The following ATF7IP2 variants were observed in gnomAD, a reference collection of about 807,000 sequenced individuals.
ATF7IP2 encodes activating transcription factor 7 interacting protein 2.
In ATF7IP2, 42 loss-of-function variants were observed where a neutral mutation model predicts 64.2. The observed-to-expected ratio is 0.65, with a 90% confidence interval of 0.51 to 0.85. The LOEUF (loss-of-function observed/expected upper bound fraction) is 0.85. Ranked by LOEUF, ATF7IP2 falls within the 40% of genes least tolerant of loss-of-function variation. ATF7IP2 has a pLI of 0.00. For synonymous variants in ATF7IP2, 308 were observed against 272.8 expected (o/e 1.13, Z -1.27); for missense variants, 933 against 784.2 (o/e 1.19, Z -2.27).
chr16:10,414,357 G>C (rs1267729633), intron 1 of ATF7IP2, among the ~76,000 whole-genome samples: 1 of 151,854 alleles, frequency 6.6e-6, no homozygotes, highest in Admixed American at 6.6e-5. Flanking sequence ...TGCTTGGTCA[G>C]TTTTGTTGCT....
chr16:10,426,845 GT>G (rs536906880), intron 3 of ATF7IP2, among the ~76,000 whole-genome samples: 12 of 150,700 alleles, frequency 8.0e-5, no homozygotes, highest in African/African-American at 2.7e-4. Flanking sequence ...TTGGTTTTTG[GT>G]TTTTTTTTGT....
chr16:10,436,514 T>G (rs962716675), intron 6 of ATF7IP2, among the ~76,000 whole-genome samples: 1 of 152,064 alleles, frequency 6.6e-6, no homozygotes, highest in Non-Finnish European at 1.5e-5. Flanking sequence ...AGTGAAGCAT[T>G]AGAGAAGAGA....
At chr16:10,393,483 C>G (rs1237166942) in intron 1 of ATF7IP2, among the ~76,000 whole-genome samples, 2 of 152,040 alleles carry the variant, frequency 1.3e-5, no homozygotes, top group Admixed American at 1.3e-4. Context: ...GTTTATGATG[C>G]TACAGAAAGT....
chr16:10,471,874 T>G, intron 9 of ATF7IP2: 1 of 304,536 alleles, frequency 3.3e-6, no homozygotes, highest in Non-Finnish European at 6.1e-6. Flanking sequence ...GAAAGACCCA[T>G]AAAATGTAGT....
chr16:10,411,513 G>C (rs1029234178), intron 1 of ATF7IP2, among the ~76,000 whole-genome samples: 2 of 151,964 alleles, frequency 1.3e-5, no homozygotes, highest in Non-Finnish European at 2.9e-5. Context: ...TGGGATTACA[G>C]GCGTGTGCCA....
chr16:10,467,369 G>C (rs1338979691), intron 9 of ATF7IP2, among the ~76,000 whole-genome samples: 1 of 152,134 alleles, frequency 6.6e-6, no homozygotes, highest in South Asian at 2.1e-4. Flanking sequence ...GAAAAATTAA[G>C]TGAAGGATTT....
At chr16:10,465,669 G>A (rs1300418421) in intron 9 of ATF7IP2, among the ~76,000 whole-genome samples, 1 of 149,078 alleles carries the variant, frequency 6.7e-6, no homozygotes, top group Non-Finnish European at 1.5e-5. Flanking sequence ...AACCTGGGAG[G>A]TGGAGGTTGG....
chr16:10,470,727 A>C (rs2049763779), intron 9 of ATF7IP2, among the ~76,000 whole-genome samples: 1 of 151,982 alleles, frequency 6.6e-6, no homozygotes. Flanking sequence ...AGGCTTCAGC[A>C]AGATACATTT....
chr16:10,444,347 C>T (rs1034371046), intron 8 of ATF7IP2, among the ~76,000 whole-genome samples: 2 of 152,042 alleles, frequency 1.3e-5, no homozygotes, highest in African/African-American at 2.4e-5. Context: ...CCTTTCTTAA[C>T]GGTCCAGACT....
chr16:10,404,217 C>G (rs980030666), intron 1 of ATF7IP2, among the ~76,000 whole-genome samples: 1 of 152,142 alleles, frequency 6.6e-6, no homozygotes, highest in Non-Finnish European at 1.5e-5. Flanking sequence ...ATAAAAGAAA[C>G]TTCATTAGAT....
At position 10,473,924 on chromosome 16, in the gene ATF7IP2, C is replaced by A. The variant is rs1418938402; in HGVS notation, c.1484C>A (p.Ala495Asp). 5.0e-6 allele frequency: 6 copies of A among 1,206,538 alleles called. No homozygotes were observed. The highest frequency in any genetic ancestry group is 3.0e-5 in the East Asian group (1 of 33,040). The allele number at this position is 1,206,538 out of a possible 1,614,324, so 74.7% of individuals were successfully genotyped here. A position where few individuals can be genotyped will look rare whatever the true frequency, so the allele number is the denominator to read the frequency against. Residue 495 changes from alanine (A) to aspartate (D), a missense_variant and splice_region_variant, in exon 12 of 14, where the codon GCT (alanine) becomes GAT (aspartate). Transcript: ENST00000562102. The part of the protein sequence containing the change: ...SSNSPNAEVM[A>D]VQKKLDSIID... ...TTTTTTTTTTTACAATTTTTTTAGG[C>A]TGTACAGAAGAAACTTGATTCTATA...
intron 8 of ATF7IP2, among the ~76,000 whole-genome samples, chr16:10,456,661 T>C (rs1424038182): frequency 6.6e-6 from 1 of 152,178 alleles, no homozygotes; most frequent in Admixed American, 6.5e-5. Flanking sequence ...AAAGTTGGCC[T>C]ATGGTCACTA....
chr16:10,386,805 C>T (rs2047212110), intron 1 of ATF7IP2: 1 of 152,114 alleles, frequency 6.6e-6, no homozygotes, highest in South Asian at 2.1e-4. Context: ...CTTCTCTAAC[C>T]AGTTTTCTCC....
At chr16:10,410,797 G>C (rs1023379150) in intron 1 of ATF7IP2, among the ~76,000 whole-genome samples, 1 of 152,060 alleles carries the variant, frequency 6.6e-6, no homozygotes, top group Non-Finnish European at 1.5e-5. Context: ...GCTTCTTCCT[G>C]ATTTAAATGT....
chr16:10,424,862 T>C (rs1427674987), intron 3 of ATF7IP2, among the ~76,000 whole-genome samples: 1 of 152,162 alleles, frequency 6.6e-6, no homozygotes, highest in African/African-American at 2.4e-5. Context: ...GATGTTAAAA[T>C]TGGAACTCTC....
intron 4 of ATF7IP2, among the ~76,000 whole-genome samples, chr16:10,429,607 C>A (rs921506387): frequency 6.6e-5 from 10 of 152,136 alleles, no homozygotes; most frequent in African/African-American, 2.4e-4. Context: ...CCTCGGCCTC[C>A]CAAAGTGCTA....
chr16:10,388,835 C>G (rs2047261329), intron 1 of ATF7IP2, among the ~76,000 whole-genome samples: 1 of 151,800 alleles, frequency 6.6e-6, no homozygotes. Flanking sequence ...ATGGTGAAAC[C>G]CCGTCTCCAC....
intron 8 of ATF7IP2, chr16:10,447,176 ACT>A (rs1450577259): frequency 1.3e-5 from 2 of 152,164 alleles, no homozygotes; most frequent in African/African-American, 4.8e-5. Context: ...CCTCCAAGAT[ACT>A]CCAACCATCA....
At chr16:10,441,209 G>C (rs568115829) in intron 8 of ATF7IP2, among the ~76,000 whole-genome samples, 2 of 152,014 alleles carry the variant, frequency 1.3e-5, no homozygotes, top group African/African-American at 4.8e-5. Context: ...TGCAATAAAC[G>C]TACGTGTGCA....
Sources: allele counts gnomAD v4.1 joint callset (sites outside exome capture counted in the v4.1 genomes callset), GRCh38; gene constraint gnomAD v4.1.1; transcripts MANE v1.5; gene names NCBI Gene and HGNC (gene_info 2026-07-23, HGNC 2026-07-21).